The following CCDC6 variants were observed in gnomAD, a reference collection of about 807,000 sequenced individuals.
CCDC6 encodes the protein coiled-coil domain containing 6.
In CCDC6, 20 loss-of-function variants were observed where a neutral mutation model predicts 56.6. That is an observed-to-expected ratio of 0.35 (90% CI 0.25 to 0.51). CCDC6 has a LOEUF of 0.51. Ranked by LOEUF, CCDC6 falls within the 20% of genes least tolerant of loss-of-function variation. CCDC6 has a pLI of 0.95. For synonymous variants in CCDC6, 241 were observed against 234.4 expected (o/e 1.03, Z -0.26); for missense variants, 367 against 601.1 (o/e 0.61, Z 4.07).
At chr10:59,892,370 A>G (rs754437896) in intron 1 of CCDC6, among the ~76,000 whole-genome samples, 52 of 152,156 alleles carry the variant, frequency 3.4e-4, no homozygotes, top group Non-Finnish European at 5.7e-4. Context: ...ACACAGCCAC[A>G]CAGACTGGTA....
intron 1 of CCDC6, among the ~76,000 whole-genome samples, chr10:59,873,781 A>T (rs2071253153): frequency 6.6e-6 from 1 of 152,230 alleles, no homozygotes; most frequent in South Asian, 2.1e-4. Flanking sequence ...AATGGTATTT[A>T]CCTAAATTTG....
At chr10:59,831,927 T>C (rs1442090529) in intron 3 of CCDC6, among the ~76,000 whole-genome samples, 1 of 152,222 alleles carries the variant, frequency 6.6e-6, no homozygotes, top group East Asian at 1.9e-4. Flanking sequence ...AAGTTTGCCA[T>C]TTCTGGTTTT....
chr10:59,822,899 TA>T (rs35908853), intron 3 of CCDC6, among the ~76,000 whole-genome samples: 89 of 147,782 alleles, frequency 6.0e-4, no homozygotes, highest in African/African-American at 1.1e-3. Context: ...CCTATGCTTA[TA>T]AAAAAAAAAC....
rs114528655 is a variant in CCDC6 at position 59,811,198 on chromosome 10, A to C, written c.847+1437T>G. Among the ~76,000 whole-genome samples, 543 of 152,304 alleles carry C rather than the reference A, an allele frequency of 3.6e-3. 5 individuals are homozygous for C. The highest frequency in any genetic ancestry group is 0.013 in the African/African-American group (520 of 41,548). On this transcript the variant is annotated intron_variant, in intron 5 of 8. Transcript: ENST00000263102. ...TTTGTGGTAATTTGTAATAGCAGAA[A>C]TAGGAAAGTACTACACCATATTTCT...
chr10:59,863,885 A>G (rs1319009639), intron 1 of CCDC6, among the ~76,000 whole-genome samples: 1 of 152,248 alleles, frequency 6.6e-6, no homozygotes, highest in African/African-American at 2.4e-5. Flanking sequence ...AAAATGGGGC[A>G]TATCTAATAC....
rs1054441192 is a variant in CCDC6, at chr10:59,862,279, G to A, written c.304-9577C>T. Among the ~76,000 whole-genome samples, 15 of 151,740 alleles carry A rather than the reference G, an allele frequency of 9.9e-5. No individual in the cohort carries two copies. The East Asian group carries it at 1.4e-3, about 14-fold the overall frequency. ...AGGCAGGTGGATCACCTGAGGACAG[G>A]AGTTCAAGACCAGCCTGCCCAACAT... On this transcript the variant is annotated intron_variant, in intron 1 of 8. Coordinates refer to ENST00000263102, the MANE Select transcript of CCDC6 (RefSeq NM_005436.5).
intron 1 of CCDC6, among the ~76,000 whole-genome samples, chr10:59,890,973 A>C (rs1289883910): frequency 6.6e-6 from 1 of 152,096 alleles, no homozygotes; most frequent in Non-Finnish European, 1.5e-5. Context: ...TATGAGTGAG[A>C]ACATGTGGTG....
chr10:59,804,524 A>C lies in CCDC6; in HGVS notation c.1005-4T>G. 6.5e-7 allele frequency: 1 copy of C among 1,533,844 alleles called. No individual in the cohort carries two copies. The highest frequency in any genetic ancestry group is 9.0e-7 in the Non-Finnish European group (1 of 1,106,760). On this transcript the variant is annotated splice_polypyrimidine_tract_variant and splice_region_variant and intron_variant, in intron 6 of 8. Transcript: ENST00000263102. ...TGCAGACATCTCATTAAAATACCTA[A>C]GAGGAGAGAGGAGGAAACGATAAAA...
chr10:59,906,496 A>T lies in CCDC6; in HGVS notation c.-72T>A, dbSNP rs2071549634. On this transcript the variant is annotated 5_prime_UTR_variant, in exon 1 of 9. Coordinates refer to ENST00000263102, the MANE Select transcript of CCDC6 (RefSeq NM_005436.5). The stretch of plus-strand genomic sequence containing the variant: ...GGCGACGAAGGCCGGGCTGCGAATG[A>T]GTGGGCGCCGGGCGAGCACAGGGGA... 1 of 1,318,866 alleles carries T rather than the reference A, an allele frequency of 7.6e-7. No individual in the cohort carries two copies. Among genetic ancestry groups the T allele is most frequent in the Admixed American group, 3.3e-5 (1 of 30,194 alleles). The allele number at this position is 1,318,866 out of a possible 1,614,324, so 81.7% of individuals were successfully genotyped here.
chr10:59,840,661 G>A (rs533239546), intron 2 of CCDC6, among the ~76,000 whole-genome samples: 1 of 152,154 alleles, frequency 6.6e-6, no homozygotes, highest in Non-Finnish European at 1.5e-5. Flanking sequence ...TTGAACTTCT[G>A]ACCTTCTTAC....
At chr10:59,841,358 TAC>T (rs1324760085) in intron 2 of CCDC6, among the ~76,000 whole-genome samples, 1 of 152,258 alleles carries the variant, frequency 6.6e-6, no homozygotes, top group African/African-American at 2.4e-5. Context: ...CTATGCCCTT[TAC>T]AGTGTTCTAT....
chr10:59,894,050 C>T (rs1398597578), intron 1 of CCDC6, among the ~76,000 whole-genome samples: 2 of 152,120 alleles, frequency 1.3e-5, no homozygotes, highest in African/African-American at 4.8e-5. Flanking sequence ...CCCAGAAACA[C>T]CACAAGACTG....
At chr10:59,882,946 C>T (rs1236752186) in intron 1 of CCDC6, among the ~76,000 whole-genome samples, 1 of 149,632 alleles carries the variant, frequency 6.7e-6, no homozygotes, top group Non-Finnish European at 1.5e-5. Flanking sequence ...GGCGACAGAG[C>T]AAGACTCTGC....
At chr10:59,806,042 A>AC (rs1348357627) in intron 6 of CCDC6, among the ~76,000 whole-genome samples, 1 of 151,832 alleles carries the variant, frequency 6.6e-6, no homozygotes, top group Non-Finnish European at 1.5e-5. Flanking sequence ...TGCTGGAGGG[A>AC]CCCCCAAGAA....
chr10:59,854,952 C>T (rs2071069083), intron 1 of CCDC6, among the ~76,000 whole-genome samples: 1 of 152,134 alleles, frequency 6.6e-6, no homozygotes, highest in Non-Finnish European at 1.5e-5. Context: ...GGGTGTTTGC[C>T]ATAAACTCAT....
intron 1 of CCDC6, among the ~76,000 whole-genome samples, chr10:59,903,933 A>C (rs1037045813): frequency 6.6e-6 from 1 of 152,212 alleles, no homozygotes; most frequent in Non-Finnish European, 1.5e-5. Flanking sequence ...ATCCTAGGTC[A>C]GTTAACAAAA....
intron 3 of CCDC6, among the ~76,000 whole-genome samples, chr10:59,822,774 C>T (rs2070758265): frequency 6.6e-6 from 1 of 152,026 alleles, no homozygotes; most frequent in South Asian, 2.1e-4. Flanking sequence ...CTGGCAAAAC[C>T]CCATCCTCAA....
intron 3 of CCDC6, among the ~76,000 whole-genome samples, chr10:59,820,875 A>G (rs2070744889): frequency 6.6e-6 from 1 of 150,492 alleles, no homozygotes; most frequent in Admixed American, 6.6e-5. Flanking sequence ...TTTTTTTTAA[A>G]TAAGAGGCAA....
chr10:59,893,740 AG>A (rs67988722), intron 1 of CCDC6, among the ~76,000 whole-genome samples: 92,904 of 151,942 alleles, frequency 0.61, 28,952 homozygotes, highest in East Asian at 0.86. Context: ...TCTCCACCGA[AG>A]GCTTTACAAA....
Sources: allele counts gnomAD v4.1 joint callset (sites outside exome capture counted in the v4.1 genomes callset), GRCh38; gene constraint gnomAD v4.1.1; transcripts MANE v1.5; gene names NCBI Gene and HGNC (gene_info 2026-07-23, HGNC 2026-07-21).